NKAIN2: variants seen among roughly 807,000 people sequenced by gnomAD.
NKAIN2 encodes sodium/potassium transporting ATPase interacting 2.
A neutral mutation model predicts 32.6 loss-of-function variants in NKAIN2; 14 were observed. That is an observed-to-expected ratio of 0.43 (90% CI 0.28 to 0.67). The LOEUF is 0.67. NKAIN2 is among the 30% of genes least tolerant of loss of function. The pLI is 0.17. For missense variants in NKAIN2, 198 were observed against 258.3 expected (o/e 0.77, Z 1.60); for synonymous variants, 80 against 87.2 (o/e 0.92, Z 0.46).
intron 1 of NKAIN2, among the ~76,000 whole-genome samples, chr6:123,991,476 G>A (rs966277072): frequency 1.9e-5 from 2 of 102,794 alleles, no homozygotes; most frequent in Non-Finnish European, 3.6e-5. Flanking sequence ...TGGAGCTTGC[G>A]GGGAGTTCAA....
chr6:124,203,119 A>T (rs771039664), intron 1 of NKAIN2, among the ~76,000 whole-genome samples: 8 of 151,906 alleles, frequency 5.3e-5, no homozygotes, highest in Non-Finnish European at 1.2e-4. Context: ...GTACCTTAAG[A>T]GTCATTGAAA....
intron 1 of NKAIN2, among the ~76,000 whole-genome samples, chr6:124,099,518 G>A (rs753870108): frequency 6.6e-6 from 1 of 152,082 alleles, no homozygotes. Context: ...ACATTGTTCC[G>A]CCTTTGCACT....
At chr6:124,361,936 T>C (rs1799307602) in intron 3 of NKAIN2, among the ~76,000 whole-genome samples, 1 of 152,122 alleles carries the variant, frequency 6.6e-6, no homozygotes, top group Non-Finnish European at 1.5e-5. Context: ...TTTTGCTCAA[T>C]AAAACCAATG....
chr6:124,227,570 TG>T (rs1792188152), intron 1 of NKAIN2, among the ~76,000 whole-genome samples: 2 of 152,188 alleles, frequency 1.3e-5, no homozygotes, highest in African/African-American at 4.8e-5. Context: ...ATTTTAAATT[TG>T]GGGAGCATTT....
intron 1 of NKAIN2, among the ~76,000 whole-genome samples, chr6:123,840,311 A>G (rs1774815239): frequency 6.6e-6 from 1 of 152,078 alleles, no homozygotes; most frequent in Admixed American, 6.6e-5. Context: ...CAGAAGATTT[A>G]CGTATAAATT....
intron 3 of NKAIN2, among the ~76,000 whole-genome samples, chr6:124,417,997 C>T (rs1328030917): frequency 1.3e-5 from 2 of 152,162 alleles, no homozygotes; most frequent in African/African-American, 2.4e-5. Context: ...CTGTGTCACA[C>T]TGAACAAGGT....
chr6:124,745,546 A>G (rs1777410192), intron 4 of NKAIN2, among the ~76,000 whole-genome samples: 1 of 151,914 alleles, frequency 6.6e-6, no homozygotes, highest in South Asian at 2.1e-4. Flanking sequence ...ATTATTATGA[A>G]ACAAAAACAT....
At chr6:124,229,720 G>T (rs1173355163) in intron 1 of NKAIN2, among the ~76,000 whole-genome samples, 1 of 152,062 alleles carries the variant, frequency 6.6e-6, no homozygotes, top group Non-Finnish European at 1.5e-5. Context: ...CTTTAAAAAT[G>T]GGAGTTTCCC....
At chr6:123,825,942 A>G (rs1056642689) in intron 1 of NKAIN2, among the ~76,000 whole-genome samples, 2 of 152,194 alleles carry the variant, frequency 1.3e-5, no homozygotes, top group Non-Finnish European at 2.9e-5. Flanking sequence ...AGTGATTAAG[A>G]ACTGCTGTGG....
intron 1 of NKAIN2, among the ~76,000 whole-genome samples, chr6:123,862,558 G>A (rs17693403): frequency 0.26 from 38,740 of 151,788 alleles, 5,781 homozygotes; most frequent in Non-Finnish European, 0.34. Flanking sequence ...TAGCATCCCC[G>A]GCCAACTACA....
chr6:123,805,018 G>A (rs138219023), intron 1 of NKAIN2, among the ~76,000 whole-genome samples: 1 of 152,280 alleles, frequency 6.6e-6, no homozygotes, highest in African/African-American at 2.4e-5. Flanking sequence ...TTTGAGGAAT[G>A]TTGTACAGTT....
intron 3 of NKAIN2, among the ~76,000 whole-genome samples, chr6:124,401,637 G>A (rs1039823429): frequency 4.2e-4 from 64 of 152,234 alleles, no homozygotes; most frequent in African/African-American, 1.4e-3. Flanking sequence ...CATATGTTGT[G>A]TAATTTCCTT....
intron 1 of NKAIN2, among the ~76,000 whole-genome samples, chr6:124,001,387 C>T (rs1779871628): frequency 6.6e-6 from 1 of 151,904 alleles, no homozygotes; most frequent in Non-Finnish European, 1.5e-5. Context: ...TAGAACATTT[C>T]AGTTATCCAG....
chr6:123,981,290 A>G (rs944306928), intron 1 of NKAIN2, among the ~76,000 whole-genome samples: 1 of 152,190 alleles, frequency 6.6e-6, no homozygotes, highest in Non-Finnish European at 1.5e-5. Context: ...GAGTCTGATA[A>G]TAGGTATGCA....
chr6:124,785,557 G>C (rs529477126), intron 4 of NKAIN2, among the ~76,000 whole-genome samples: 5 of 152,220 alleles, frequency 3.3e-5, no homozygotes, highest in Admixed American at 1.3e-4. Context: ...CTGTTTTGAT[G>C]GGAGAAGGAG....
At chr6:124,683,828 G>T (rs1160562639) in intron 4 of NKAIN2, among the ~76,000 whole-genome samples, 1 of 152,180 alleles carries the variant, frequency 6.6e-6, no homozygotes, top group Admixed American at 6.5e-5. Flanking sequence ...TTGGGACTTG[G>T]CAGTAATGGC....
At chr6:124,762,176 G>C (rs1442004760) in intron 4 of NKAIN2, among the ~76,000 whole-genome samples, 1 of 152,082 alleles carries the variant, frequency 6.6e-6, no homozygotes, top group Non-Finnish European at 1.5e-5. Flanking sequence ...CAAGGTGTTG[G>C]CAGGTCTGGT....
At chr6:124,429,337 T>C (rs192036426) in intron 3 of NKAIN2, among the ~76,000 whole-genome samples, 3 of 152,234 alleles carry the variant, frequency 2.0e-5, no homozygotes, top group Admixed American at 6.5e-5. Context: ...CGTGAGCCAC[T>C]GCGCCTGGCC....
At chr6:124,523,067 C>T (rs939155549) in intron 3 of NKAIN2, among the ~76,000 whole-genome samples, 2 of 86,742 alleles carry the variant, frequency 2.3e-5, no homozygotes, top group South Asian at 1.1e-3. Context: ...GGCGTGAACC[C>T]GGGAGGCGGA....
Sources: allele counts gnomAD v4.1 joint callset (sites outside exome capture counted in the v4.1 genomes callset), GRCh38; gene constraint gnomAD v4.1.1; transcripts MANE v1.5; gene names NCBI Gene and HGNC (gene_info 2026-07-23, HGNC 2026-07-21).